The following NF1 variants were observed in gnomAD, a reference collection of about 807,000 sequenced individuals.
NF1 encodes neurofibromin 1.
A neutral mutation model predicts 325.7 loss-of-function variants in NF1; 122 were observed. That is an observed-to-expected ratio of 0.37 (90% CI 0.32 to 0.44). NF1 has a LOEUF of 0.44. NF1 is among the 20% of genes least tolerant of loss of function. The probability of loss-of-function intolerance (pLI) is 1.00; values close to 1 mark genes in which losing one functional copy is unlikely to be tolerated. For missense variants in NF1, 2,140 were observed against 3,415.4 expected (o/e 0.63, Z 9.31); for synonymous variants, 1,091 against 1,186.0 (o/e 0.92, Z 1.65).
intron 3 of NF1, among the ~76,000 whole-genome samples, chr17:31,160,957 A>G (rs1414103654): frequency 1.3e-5 from 2 of 152,202 alleles, no homozygotes; most frequent in Non-Finnish European, 2.9e-5. Context: ...TAAATTTACT[A>G]TTTAAAAAGT....
intron 33 of NF1, among the ~76,000 whole-genome samples, chr17:31,259,895 G>A (rs550573441): frequency 7.9e-5 from 12 of 152,218 alleles, no homozygotes; most frequent in African/African-American, 2.9e-4. Context: ...TTCTGTTAGA[G>A]AAATTGGAGT....
intron 57 of NF1, among the ~76,000 whole-genome samples, chr17:31,370,580 T>G (rs188396382): frequency 6.6e-6 from 1 of 152,350 alleles, no homozygotes; most frequent in East Asian, 1.9e-4. Flanking sequence ...TCTTAGCACT[T>G]TTTTGAAGAT....
At chr17:31,101,244 C>A (rs1912305164) in intron 1 of NF1, among the ~76,000 whole-genome samples, 1 of 151,950 alleles carries the variant, frequency 6.6e-6, no homozygotes, top group African/African-American at 2.4e-5. Context: ...ATGTTCCACT[C>A]CCCCCGGAAA....
At chr17:31,147,967 C>G (rs1567810823) in intron 1 of NF1, among the ~76,000 whole-genome samples, 1 of 152,186 alleles carries the variant, frequency 6.6e-6, no homozygotes, top group East Asian at 1.9e-4. Context: ...GGGAAAAAAG[C>G]CTTATTTCTC....
At chr17:31,272,291 A>G (rs916438969) in intron 36 of NF1, 1 of 152,234 alleles carries the variant, frequency 6.6e-6, no homozygotes, top group East Asian at 1.9e-4. Context: ...TAGAAAATAA[A>G]TGTTGTCCAT....
At chr17:31,121,785 T>C (rs1381295629) in intron 1 of NF1, among the ~76,000 whole-genome samples, 2 of 152,234 alleles carry the variant, frequency 1.3e-5, no homozygotes, top group Non-Finnish European at 2.9e-5. Context: ...GACTTGATCA[T>C]GGGGGATAAG....
intron 1 of NF1, among the ~76,000 whole-genome samples, chr17:31,145,339 T>G (rs941088284): frequency 6.6e-6 from 1 of 152,118 alleles, no homozygotes; most frequent in Non-Finnish European, 1.5e-5. Context: ...ACTGCACGCA[T>G]GTACCACCAT....
Position 31,360,488 on chromosome 17 carries a change from A to G in NF1, c.8162A>G (p.Gln2721Arg), listed in dbSNP as rs876657933. Residue 2721 changes from glutamine (Q) to arginine (R), a missense_variant and splice_region_variant, in exon 57 of 58, where the codon CAA (glutamine) becomes CGA (arginine). By Grantham distance (43) the Gln-to-Arg change is conservative. This residue lies in a region of NF1 where 522 missense variants were observed against 749.0 expected (regional missense o/e 0.70). Coordinates refer to ENST00000358273, the MANE Select transcript of NF1 (RefSeq NM_001042492.3). ...ATAATTTCCTATTTTCCATTACAGC[A>G]AACACAAATTCCAGACTATGCTGAG... The part of the protein sequence containing the change: ...LWRFAGPFSK[Q>R]TQIPDYAELI... 6.2e-7 allele frequency: 1 copy of G among 1,613,918 alleles called. No homozygotes were observed. Among genetic ancestry groups the G allele is most frequent in the Non-Finnish European group, 8.5e-7 (1 of 1,179,800 alleles).
At chr17:31,304,089 A>G in intron 36 of NF1, 1 of 561,796 alleles carries the variant, frequency 1.8e-6, no homozygotes, top group Non-Finnish European at 3.0e-6. Context: ...TTACTGTTAA[A>G]TAACTTTTTT....
chr17:31,134,655 G>A (rs866708552), intron 1 of NF1, among the ~76,000 whole-genome samples: 13 of 152,190 alleles, frequency 8.5e-5, no homozygotes, highest in Non-Finnish European at 1.6e-4. Context: ...AGGCTTGACT[G>A]GGGGTAGAGC....
At chr17:31,340,715 A>G (rs951677382) in intron 47 of NF1, 70 bp downstream of exon 47, 5 of 1,505,910 alleles carry the variant, frequency 3.3e-6, no homozygotes, top group Non-Finnish European at 4.6e-6. Context: ...TCTTGTTGCT[A>G]TTCTTTTAAA....
intron 1 of NF1, among the ~76,000 whole-genome samples, chr17:31,109,550 A>AT (rs1404784420): frequency 1.3e-5 from 2 of 151,836 alleles, no homozygotes; most frequent in African/African-American, 4.8e-5. Context: ...TGCCCGGCTA[A>AT]TTTTTGTATT....
chr17:31,285,282 A>C (rs796242010), intron 36 of NF1, among the ~76,000 whole-genome samples: 2 of 149,810 alleles, frequency 1.3e-5, no homozygotes, highest in Admixed American at 6.6e-5. Flanking sequence ...CTGTTTAAAA[A>C]AAAAAAAAAA....
At chr17:31,233,676 T>C (rs1567851744) in intron 27 of NF1, among the ~76,000 whole-genome samples, 1 of 152,244 alleles carries the variant, frequency 6.6e-6, no homozygotes, top group Non-Finnish European at 1.5e-5. Flanking sequence ...AAGCGTCATA[T>C]GGCTATGTCT....
chr17:31,352,396 A>T lies in NF1; in HGVS notation c.7597A>T (p.Asn2533Tyr), dbSNP rs2151577390. 6.2e-7 allele frequency: 1 copy of T among 1,613,030 alleles called. No homozygotes were observed. The highest frequency in any genetic ancestry group is 8.5e-7 in the Non-Finnish European group (1 of 1,179,446). The stretch of plus-strand genomic sequence containing the variant: ...GGACATGGGGCAACCTTCTCAGGCC[A>T]ACACTAAGAAGTTGCTTGGTTAGTT... ...SLDMGQPSQANTKKLLGTRKS... is the reference protein window; with the variant it reads ...SLDMGQPSQAYTKKLLGTRKS... Residue 2533 changes from asparagine (N) to tyrosine (Y), a missense_variant, in exon 51 of 58, where the codon AAC (asparagine) becomes TAC (tyrosine). Physicochemically the swap from Asn to Tyr is moderately radical, Grantham distance 143. This residue lies in a region of NF1 where 522 missense variants were observed against 749.0 expected (regional missense o/e 0.70). Coordinates refer to ENST00000358273, the MANE Select transcript of NF1 (RefSeq NM_001042492.3).
At chr17:31,099,791 C>G (rs1912136604) in intron 1 of NF1, among the ~76,000 whole-genome samples, 1 of 151,910 alleles carries the variant, frequency 6.6e-6, no homozygotes, top group Non-Finnish European at 1.5e-5. Context: ...CAACTCCTGG[C>G]TTCAGGTGAT....
intron 36 of NF1, chr17:31,304,186 A>G: frequency 1.4e-6 from 2 of 1,397,616 alleles, no homozygotes; most frequent in South Asian, 2.9e-5. Flanking sequence ...ATCAGTTGCC[A>G]TTTTATATAT....
chr17:31,352,326 A>C lies in NF1; in HGVS notation c.7527A>C (p.Pro2509=). The C allele has an allele frequency of 1.2e-6, 2 of 1,614,146 alleles. No homozygotes were observed. Among genetic ancestry groups the C allele is most frequent in the Non-Finnish European group, 1.7e-6 (2 of 1,180,022 alleles). Residue 2509 remains proline (P), a synonymous_variant, in exon 51 of 58, where the codon CCA becomes CCC. Transcript: ENST00000358273. ...AAGGATACCTTGCAGCCACCTATCC[A>C]ACTGTCGGCCAGACCAGTCCCCGAG... ...GSEGYLAATY[P]TVGQTSPRAR... is the part of the protein sequence containing the mutation.
At chr17:31,098,936 A>AG (rs1912043020) in intron 1 of NF1, among the ~76,000 whole-genome samples, 2 of 151,150 alleles carry the variant, frequency 1.3e-5, no homozygotes, top group Non-Finnish European at 3.0e-5. Context: ...CATCTCAGAA[A>AG]AAAAAAAAAA....
Sources: gnomAD v4.1 joint callset for allele counts (sites outside exome capture counted in the v4.1 genomes callset) on GRCh38, gnomAD v4.1.1 for gene constraint, gnomAD v4.1.1 regional missense constraint, MANE v1.5 for transcripts, NCBI Gene and HGNC (gene_info 2026-07-23, HGNC 2026-07-21) for gene names.